The following BFSP2 variants were observed in gnomAD, a reference collection of about 807,000 sequenced individuals.
BFSP2 encodes beaded filament structural protein 2, also known as phakinin.
A neutral mutation model predicts 44.9 loss-of-function variants in BFSP2; 38 were observed. The observed-to-expected ratio is 0.85, with a 90% CI of 0.65 to 1.11. BFSP2 has a LOEUF of 1.11. BFSP2 is among the 50% of genes least tolerant of loss of function. The probability of loss-of-function intolerance (pLI) is 0.00; values close to 1 mark genes in which losing one functional copy is unlikely to be tolerated. For missense variants in BFSP2, 525 were observed against 533.0 expected, an observed-to-expected ratio of 0.99 and a Z score of 0.15; for synonymous variants, 197 against 209.9, an observed-to-expected ratio of 0.94 and a Z score of 0.53.
At chr3:133,410,092 T>A in intron 1 of BFSP2, 1 of 182,608 alleles carries the variant, frequency 5.5e-6, no homozygotes, top group Non-Finnish European at 1.2e-5. Context: ...GCAAGGAAGA[T>A]AAGTTATCGA....
At chr3:133,461,631 A>G (rs7612993) in intron 4 of BFSP2, among the ~76,000 whole-genome samples, 4,176 of 152,306 alleles carry the variant, frequency 0.027, 169 homozygotes, top group African/African-American at 0.095. Flanking sequence ...GAAAGCACAA[A>G]TCTAAAAAGC....
At chr3:133,405,170 G>A (rs910132663) in intron 1 of BFSP2, among the ~76,000 whole-genome samples, 10 of 152,196 alleles carry the variant, frequency 6.6e-5, no homozygotes, top group African/African-American at 2.4e-4. Context: ...CTGAAGCCAG[G>A]GGGAGAATGA....
intron 6 of BFSP2, 95 bp from the exon 7 acceptor site, chr3:133,474,874 T>C: frequency 6.6e-7 from 1 of 1,510,824 alleles, no homozygotes; most frequent in Non-Finnish European, 9.2e-7. Context: ...GGCCAGATTC[T>C]TTCATGAGAT....
chr3:133,426,531 G>C (rs953262730), intron 1 of BFSP2, among the ~76,000 whole-genome samples: 3 of 152,196 alleles, frequency 2.0e-5, no homozygotes, highest in Non-Finnish European at 4.4e-5. Flanking sequence ...TTTGAGCCCT[G>C]TCTCTCCAAG....
intron 5 of BFSP2, among the ~76,000 whole-genome samples, chr3:133,471,605 A>G (rs766803884): frequency 6.6e-6 from 1 of 152,160 alleles, no homozygotes; most frequent in Non-Finnish European, 1.5e-5. Flanking sequence ...TGGTGGAATT[A>G]TCAACGCAGG....
intron 4 of BFSP2, among the ~76,000 whole-genome samples, chr3:133,462,228 T>C (rs187051910): frequency 1.2e-3 from 173 of 146,696 alleles, no homozygotes; most frequent in African/African-American, 3.6e-3. Context: ...ACAGTTTCCA[T>C]TTTAAACACG....
intron 1 of BFSP2, chr3:133,412,351 T>C (rs930225331): frequency 1.3e-5 from 2 of 152,230 alleles, no homozygotes; most frequent in East Asian, 3.8e-4. Context: ...GTAAATCGCC[T>C]GGCACATAAT....
chr3:133,411,660 T>A (rs1377872480), intron 1 of BFSP2, among the ~76,000 whole-genome samples: 1 of 152,162 alleles, frequency 6.6e-6, no homozygotes, highest in African/African-American at 2.4e-5. Context: ...TTAGTTTTAA[T>A]AAAGGCAGCA....
intron 1 of BFSP2, among the ~76,000 whole-genome samples, chr3:133,424,106 C>T (rs2073619665): frequency 6.6e-6 from 1 of 151,728 alleles, no homozygotes; most frequent in Non-Finnish European, 1.5e-5. Flanking sequence ...GGCTGGAGTG[C>T]AGTGGCTCAA....
At chr3:133,443,874 C>A (rs1298189059) in intron 1 of BFSP2, among the ~76,000 whole-genome samples, 1 of 152,064 alleles carries the variant, frequency 6.6e-6, no homozygotes, top group Non-Finnish European at 1.5e-5. Flanking sequence ...TACCCTTGGG[C>A]CCAAATGATA....
chr3:133,472,275 T>C, intron 5 of BFSP2, 70 bp from the exon 6 acceptor site: 1 of 1,511,756 alleles, frequency 6.6e-7, no homozygotes, highest in South Asian at 1.2e-5. Flanking sequence ...CTGCCACTGC[T>C]CTGCACACCT....
intron 1 of BFSP2, chr3:133,429,855 T>C (rs1258275212): frequency 9.2e-5 from 14 of 151,940 alleles, no homozygotes; most frequent in Non-Finnish European, 4.4e-5. Context: ...GCTGCACCCA[T>C]TAACTCGTCA....
At chr3:133,410,488 G>T (rs1301180077) in intron 1 of BFSP2, 15 of 278,032 alleles carry the variant, frequency 5.4e-5, no homozygotes, top group Non-Finnish European at 8.2e-5. Flanking sequence ...AGTCATTCCA[G>T]CTCTCATGGG....
intron 6 of BFSP2, among the ~76,000 whole-genome samples, chr3:133,473,745 G>A (rs147686647): frequency 0.03 from 4,570 of 151,978 alleles, 82 homozygotes; most frequent in Non-Finnish European, 0.042. Context: ...AGTGGACACA[G>A]CACATGTTTC....
intron 4 of BFSP2, among the ~76,000 whole-genome samples, chr3:133,452,957 C>G (rs1295060438): frequency 2.0e-5 from 3 of 152,184 alleles, no homozygotes; most frequent in Non-Finnish European, 4.4e-5. Flanking sequence ...AGAATCATCA[C>G]TAGCCCAACA....
In BFSP2 at chr3:133,424,894, C is replaced by T. The variant is rs533301091; in HGVS notation, c.490-22423C>T. Reference sequence around the variant, plus strand: ...AGGTGATCCGCTAGGCTCAGCCTCCCAAAGTGCTGGATTACAGGCGTGAGC... The same window carrying T: ...AGGTGATCCGCTAGGCTCAGCCTCCTAAAGTGCTGGATTACAGGCGTGAGC... On this transcript the variant is annotated intron_variant, in intron 1 of 6. Coordinates refer to ENST00000302334, the MANE Select transcript of BFSP2 (RefSeq NM_003571.4). 1.6e-4 allele frequency among the ~76,000 whole-genome samples: 25 copies of T among 152,282 alleles called. 1 individual carries two copies. The South Asian group carries it at 4.8e-3, about 29-fold the overall frequency.
chr3:133,418,057 T>C, intron 1 of BFSP2, among the ~76,000 whole-genome samples: 1 of 129,134 alleles, frequency 7.7e-6, no homozygotes, highest in Non-Finnish European at 1.6e-5. Flanking sequence ...TCCTCTCCCC[T>C]CTACTCACCC....
At chr3:133,458,396 G>A (rs1028684730) in intron 4 of BFSP2, among the ~76,000 whole-genome samples, 5 of 152,148 alleles carry the variant, frequency 3.3e-5, no homozygotes, top group African/African-American at 1.2e-4. Context: ...CTTTTCTCTA[G>A]TTAAGACAAC....
chr3:133,423,010 A>T (rs2073606971), intron 1 of BFSP2, among the ~76,000 whole-genome samples: 1 of 152,184 alleles, frequency 6.6e-6, no homozygotes, highest in Admixed American at 6.5e-5. Flanking sequence ...CCAGATACCC[A>T]CTGCTGTGAT....
Sources: allele counts gnomAD v4.1 joint callset (sites outside exome capture counted in the v4.1 genomes callset), GRCh38; gene constraint gnomAD v4.1.1; transcripts MANE v1.5; gene names NCBI Gene and HGNC (gene_info 2026-07-23, HGNC 2026-07-21).